PDE4D: variants seen among roughly 807,000 people sequenced by gnomAD.
PDE4D encodes 3',5'-cyclic-AMP phosphodiesterase 4D.
Under a neutral mutation model 87.4 loss-of-function variants are expected in PDE4D, and 24 were observed. The observed-to-expected ratio is 0.27, with a 90% CI of 0.20 to 0.39. The LOEUF is 0.39. Ranked by LOEUF, PDE4D falls within the 10% of genes least tolerant of loss-of-function variation. The pLI is 1.00. For missense variants in PDE4D, 714 were observed against 1,041.0 expected, an observed-to-expected ratio of 0.69 and a Z score of 4.32; for synonymous variants, 384 against 383.2, an observed-to-expected ratio of 1.00 and a Z score of -0.02.
chr5:59,388,432 G>A (rs1459275612), intron 1 of PDE4D, among the ~76,000 whole-genome samples: 1 of 152,006 alleles, frequency 6.6e-6, no homozygotes, highest in African/African-American at 2.4e-5. Flanking sequence ...CAGCATCGAG[G>A]TTCTTTAAAA....
intron 1 of PDE4D, among the ~76,000 whole-genome samples, chr5:60,299,037 G>C (rs1032593365): frequency 6.6e-6 from 1 of 152,160 alleles, no homozygotes; most frequent in African/African-American, 2.4e-5. Flanking sequence ...TTAACTACTG[G>C]ATTGTGTCTT....
intron 5 of PDE4D, among the ~76,000 whole-genome samples, chr5:59,065,812 G>A (rs969666233): frequency 6.6e-6 from 1 of 152,078 alleles, no homozygotes; most frequent in East Asian, 1.9e-4. Flanking sequence ...ACATAAGATT[G>A]TCCTTATGAT....
At chr5:59,835,289 G>A (rs1427087796) in intron 1 of PDE4D, among the ~76,000 whole-genome samples, 1 of 151,974 alleles carries the variant, frequency 6.6e-6, no homozygotes, top group African/African-American at 2.4e-5. Flanking sequence ...TTCCCTCCAG[G>A]TAGACTCATC....
chr5:60,369,835 A>T (rs1760867425), intron 1 of PDE4D, among the ~76,000 whole-genome samples: 3 of 152,172 alleles, frequency 2.0e-5, no homozygotes, highest in Admixed American at 2.0e-4. Flanking sequence ...ACACACAAAA[A>T]AAAATCAGAC....
intron 1 of PDE4D, among the ~76,000 whole-genome samples, chr5:60,351,469 CTGGCTGGA>C (rs1224865918): frequency 6.6e-6 from 1 of 152,130 alleles, no homozygotes; most frequent in Non-Finnish European, 1.5e-5. Context: ...CCCTTTTCTG[CTGGCTGGA>C]AATCAGAGAT....
At chr5:59,836,047 G>A (rs936622780) in intron 1 of PDE4D, among the ~76,000 whole-genome samples, 3 of 151,940 alleles carry the variant, frequency 2.0e-5, no homozygotes, top group African/African-American at 7.3e-5. Context: ...ATAAATAGGA[G>A]GGAGGAAGAA....
intron 1 of PDE4D, among the ~76,000 whole-genome samples, chr5:60,366,220 G>T (rs993418421): frequency 1.3e-5 from 2 of 151,964 alleles, no homozygotes; most frequent in African/African-American, 4.8e-5. Flanking sequence ...CCCCTTGTTT[G>T]TGCAGATAGC....
chr5:60,386,018 A>G (rs941514975), intron 1 of PDE4D, among the ~76,000 whole-genome samples: 2 of 152,174 alleles, frequency 1.3e-5, no homozygotes, highest in African/African-American at 4.8e-5. Flanking sequence ...AGGACTCTGC[A>G]TAATTTGTCT....
intron 2 of PDE4D, among the ~76,000 whole-genome samples, chr5:60,105,553 A>G (rs1266783049): frequency 6.6e-6 from 1 of 152,190 alleles, no homozygotes; most frequent in Non-Finnish European, 1.5e-5. Context: ...TCCAAGACGC[A>G]TAATTGTCAG....
At chr5:59,858,203 T>C (rs1033742520) in intron 1 of PDE4D, among the ~76,000 whole-genome samples, 2 of 152,136 alleles carry the variant, frequency 1.3e-5, no homozygotes, top group African/African-American at 4.8e-5. Context: ...ATGAGTGTTC[T>C]TAGACACTTG....
chr5:59,074,608 C>T (rs1303556242), intron 5 of PDE4D, among the ~76,000 whole-genome samples: 1 of 151,956 alleles, frequency 6.6e-6, no homozygotes, highest in Non-Finnish European at 1.5e-5. Flanking sequence ...AATACGAAAA[C>T]ATAACTAGGC....
chr5:59,096,232 T>G (rs1396524827), intron 5 of PDE4D, among the ~76,000 whole-genome samples: 1 of 152,174 alleles, frequency 6.6e-6, no homozygotes, highest in East Asian at 1.9e-4. Flanking sequence ...TTTTTAGCAC[T>G]GCTCCCCTTT....
intron 2 of PDE4D, among the ~76,000 whole-genome samples, chr5:60,113,685 G>A (rs1483655568): frequency 2.0e-5 from 3 of 152,066 alleles, no homozygotes; most frequent in African/African-American, 4.8e-5. Context: ...TGTTCTCTTC[G>A]ACCCATTCAC....
At chr5:60,270,863 A>G (rs542585933) in intron 1 of PDE4D, among the ~76,000 whole-genome samples, 60 of 152,272 alleles carry the variant, frequency 3.9e-4, no homozygotes, top group African/African-American at 1.2e-3. Context: ...GTCATTCTTT[A>G]TTATTGAAAT....
intron 1 of PDE4D, among the ~76,000 whole-genome samples, chr5:59,614,262 A>G (rs1011229124): frequency 2.6e-5 from 4 of 152,220 alleles, no homozygotes; most frequent in Admixed American, 1.3e-4. Context: ...GCAAATATGT[A>G]AAATTAAGAA....
intron 6 of PDE4D, among the ~76,000 whole-genome samples, chr5:59,021,895 TCA>T (rs1755226101): frequency 6.6e-6 from 1 of 152,168 alleles, no homozygotes; most frequent in African/African-American, 2.4e-5. Context: ...TCACCCCATT[TCA>T]GTTTGTACCT....
At chr5:59,621,602 T>A (rs866416696) in intron 1 of PDE4D, among the ~76,000 whole-genome samples, 2 of 152,348 alleles carry the variant, frequency 1.3e-5, no homozygotes, top group African/African-American at 2.4e-5. Flanking sequence ...TGAAAGATAT[T>A]TTCCTCCCTG....
chr5:59,631,835 T>C lies in PDE4D; in HGVS notation c.455+261333A>G, dbSNP rs2150150694. On this transcript the variant is annotated intron_variant, in intron 1 of 14. Coordinates refer to ENST00000340635, the MANE Select transcript of PDE4D (RefSeq NM_001104631.2). Reference sequence around the variant, plus strand: ...AACTGGGTGGCTGTTTGGGCAGGCATTGAGCTAGCTGCAGTTTTTTTTTCA... The same window carrying C: ...AACTGGGTGGCTGTTTGGGCAGGCACTGAGCTAGCTGCAGTTTTTTTTTCA... 2.9e-5 allele frequency among the ~76,000 whole-genome samples: 3 copies of C among 103,224 alleles called. No individual in the cohort carries two copies. In the South Asian group the frequency reaches 1.4e-3, roughly 48 times the overall value. 67.7% of individuals were successfully genotyped at this position (103,224 alleles called of 152,430 possible).
intron 5 of PDE4D, among the ~76,000 whole-genome samples, chr5:59,156,320 A>AAAAAATATAT (rs548335725): frequency 3.2e-4 from 26 of 81,758 alleles, no homozygotes; most frequent in Admixed American, 1.6e-3. Flanking sequence ...AAAAAAAAAA[A>AAAAAATATAT]ATATATATAT....
Sources: gnomAD v4.1 joint callset for allele counts (sites outside exome capture counted in the v4.1 genomes callset) on GRCh38, gnomAD v4.1.1 for gene constraint, MANE v1.5 for transcripts, NCBI Gene and HGNC (gene_info 2026-07-23, HGNC 2026-07-21) for gene names.